Variants in NR5A2 observed in about 807,000 individuals in gnomAD.
NR5A2 encodes the protein CYP7A promoter-binding factor.
NR5A2 carries 26 observed loss-of-function variants against 62.7 expected under a neutral mutation model. The observed-to-expected ratio is 0.41, with a 90% CI of 0.30 to 0.58. NR5A2 has a LOEUF of 0.58. Among genes scored for constraint, NR5A2 ranks in the 20% least tolerant of loss-of-function variants. NR5A2 has a pLI of 0.22. For synonymous variants in NR5A2, 246 were observed against 241.7 expected (o/e 1.02, Z -0.16); for missense variants, 541 against 669.1 (o/e 0.81, Z 2.11).
At chr1:200,066,177 T>TG in intron 5 of NR5A2, among the ~76,000 whole-genome samples, 1 of 152,232 alleles carries the variant, frequency 6.6e-6, no homozygotes, top group East Asian at 1.9e-4. Context: ...GGAGAGATGG[T>TG]GGCTTAGATC....
intron 7 of NR5A2, among the ~76,000 whole-genome samples, chr1:200,130,726 T>A (rs1277135481): frequency 6.6e-6 from 1 of 152,210 alleles, no homozygotes; most frequent in African/African-American, 2.4e-5. Context: ...TTCCTGAAGC[T>A]GGTCACAATA....
At chr1:200,165,399 T>G (rs542713492) in intron 7 of NR5A2, among the ~76,000 whole-genome samples, 1 of 152,316 alleles carries the variant, frequency 6.6e-6, no homozygotes, top group East Asian at 1.9e-4. Flanking sequence ...TCGCTGTTGA[T>G]GTTGTACATT....
intron 7 of NR5A2, among the ~76,000 whole-genome samples, chr1:200,156,331 C>G (rs1369589897): frequency 6.6e-6 from 1 of 152,188 alleles, no homozygotes; most frequent in African/African-American, 2.4e-5. Flanking sequence ...ACTGAAACAA[C>G]TTTTTGACTT....
At chr1:200,081,635 T>C (rs998717048) in intron 5 of NR5A2, among the ~76,000 whole-genome samples, 1 of 152,178 alleles carries the variant, frequency 6.6e-6, no homozygotes, top group African/African-American at 2.4e-5. Flanking sequence ...TCAAAGGCAA[T>C]GGAATCTGCA....
At chr1:200,137,792 T>TA (rs34148806) in intron 7 of NR5A2, among the ~76,000 whole-genome samples, 36 of 152,234 alleles carry the variant, frequency 2.4e-4, no homozygotes, top group African/African-American at 7.5e-4. Context: ...TAATTTTTTT[T>TA]AAAAAAAGTT....
chr1:200,093,932 G>A (rs1168321977), intron 5 of NR5A2, among the ~76,000 whole-genome samples: 2 of 152,112 alleles, frequency 1.3e-5, no homozygotes, highest in African/African-American at 2.4e-5. Flanking sequence ...TGAGGCGGGC[G>A]GATCACGAGG....
At chr1:200,046,011 T>C (rs919794015) in intron 4 of NR5A2, among the ~76,000 whole-genome samples, 1 of 152,216 alleles carries the variant, frequency 6.6e-6, no homozygotes, top group Non-Finnish European at 1.5e-5. Flanking sequence ...AAAAGAGGTG[T>C]GCTTGTCACA....
chr1:200,111,299 T>G lies in NR5A2; in HGVS notation c.1208T>G (p.Ile403Ser). The G allele has an allele frequency of 6.2e-7, 1 of 1,610,540 alleles. No individual in the cohort carries two copies. Among genetic ancestry groups the G allele is most frequent in the Non-Finnish European group, 8.5e-7 (1 of 1,178,764 alleles). The change falls in exon 6 of 8, where the codon ATC becomes AGC. Residue 403 changes from isoleucine to serine, a missense_variant. Around this residue, in one of 3 missense-constraint regions of NR5A2, gnomAD observed 379 missense variants for 442.0 expected, o/e 0.86. Coordinates refer to ENST00000367362, the MANE Select transcript of NR5A2 (RefSeq NM_205860.3). ...GTGGTACATGGAAAGGAAGGATCCA[T>G]CTTCCTGGTTACTGGGCAACAAGTG... ...RQVVHGKEGSIFLVTGQQVDY... is the reference protein window; with the variant it reads ...RQVVHGKEGSSFLVTGQQVDY...
intron 5 of NR5A2, among the ~76,000 whole-genome samples, chr1:200,100,579 C>T (rs1029942203): frequency 6.6e-6 from 1 of 152,158 alleles, no homozygotes; most frequent in African/African-American, 2.4e-5. Context: ...CTTGGTTTAT[C>T]TTTGTAATAA....
At chr1:200,116,032 C>T (rs1163197539) in intron 6 of NR5A2, among the ~76,000 whole-genome samples, 5 of 151,980 alleles carry the variant, frequency 3.3e-5, no homozygotes, top group East Asian at 1.9e-4. Context: ...ATTTTCTCAA[C>T]TGCCCTGTTG....
chr1:200,138,446 CA>C (rs1322452283), intron 7 of NR5A2, among the ~76,000 whole-genome samples: 3 of 152,086 alleles, frequency 2.0e-5, no homozygotes, highest in Non-Finnish European at 4.4e-5. Flanking sequence ...AATGTTTTTC[CA>C]TATAATTTTT....
At chr1:200,073,750 GATTA>G (rs1267857337) in intron 5 of NR5A2, among the ~76,000 whole-genome samples, 3 of 152,012 alleles carry the variant, frequency 2.0e-5, no homozygotes, top group South Asian at 4.2e-4. Context: ...ACAGTTTCTT[GATTA>G]ATTAATATAG....
At chr1:200,081,917 T>C (rs1184871060) in intron 5 of NR5A2, among the ~76,000 whole-genome samples, 2 of 152,134 alleles carry the variant, frequency 1.3e-5, no homozygotes, top group African/African-American at 2.4e-5. Context: ...CACCACTCAT[T>C]AGTGTTCTGT....
At chr1:200,096,854 A>G (rs903603028) in intron 5 of NR5A2, among the ~76,000 whole-genome samples, 6 of 152,236 alleles carry the variant, frequency 3.9e-5, no homozygotes, top group Non-Finnish European at 8.8e-5. Context: ...TTTGTAGCCC[A>G]GGAGCGATAG....
At chr1:200,060,939 T>TAAAAAAAAAAA (rs60736317) in intron 5 of NR5A2, among the ~76,000 whole-genome samples, 2 of 87,844 alleles carry the variant, frequency 2.3e-5, no homozygotes, top group Non-Finnish European at 4.4e-5. Context: ...CCATCTCTAC[T>TAAAAAAAAAAA]AAAAAAAAAA....
intron 7 of NR5A2, among the ~76,000 whole-genome samples, chr1:200,155,581 A>T (rs1037751204): frequency 6.6e-6 from 1 of 152,164 alleles, no homozygotes; most frequent in Non-Finnish European, 1.5e-5. Flanking sequence ...GCTATTTGTG[A>T]TGTATTTCAC....
chr1:200,061,040 A>T (rs1001110933), intron 5 of NR5A2, among the ~76,000 whole-genome samples: 5 of 150,212 alleles, frequency 3.3e-5, no homozygotes, highest in Non-Finnish European at 5.9e-5. Context: ...TAATTGGTCG[A>T]ACCCAGGAGG....
At chr1:200,115,743 A>C (rs564664105) in intron 6 of NR5A2, among the ~76,000 whole-genome samples, 2 of 152,172 alleles carry the variant, frequency 1.3e-5, no homozygotes, top group South Asian at 4.1e-4. Context: ...AGTGCGGGGA[A>C]ATTTCAGAGG....
At chr1:200,123,607 T>C (rs1666569975) in intron 7 of NR5A2, among the ~76,000 whole-genome samples, 2 of 152,216 alleles carry the variant, frequency 1.3e-5, no homozygotes, top group South Asian at 2.1e-4. Context: ...TTAGGAAGTA[T>C]AGCAGTGTTC....
Sources: allele counts gnomAD v4.1 joint callset (sites outside exome capture counted in the v4.1 genomes callset), GRCh38; gene constraint gnomAD v4.1.1; regional missense constraint gnomAD v4.1.1; transcripts MANE v1.5; gene names NCBI Gene and HGNC (gene_info 2026-07-23, HGNC 2026-07-21).